EIF4G3: variants seen among roughly 807,000 people sequenced by gnomAD.
EIF4G3 encodes eukaryotic translation initiation factor 4 gamma 3.
In EIF4G3, 34 loss-of-function variants were observed where a neutral mutation model predicts 186.4. The observed-to-expected ratio is 0.18, with a 90% CI of 0.14 to 0.24. The LOEUF is 0.24. Ranked by LOEUF, EIF4G3 falls within the 10% of genes least tolerant of loss-of-function variation. The pLI is 1.00. For synonymous variants in EIF4G3, 673 were observed against 679.5 expected, an observed-to-expected ratio of 0.99 and a Z score of 0.15; for missense variants, 1,536 against 1,948.5, an observed-to-expected ratio of 0.79 and a Z score of 3.99.
chr1:20,934,178 G>A (rs1306758880), intron 14 of EIF4G3, among the ~76,000 whole-genome samples: 1 of 152,148 alleles, frequency 6.6e-6, no homozygotes, highest in Non-Finnish European at 1.5e-5. Context: ...AAAAAGACTA[G>A]GAAGATAAAT....
chr1:21,101,216 G>A (rs1228834611), intron 2 of EIF4G3, among the ~76,000 whole-genome samples: 3 of 151,952 alleles, frequency 2.0e-5, no homozygotes, highest in African/African-American at 7.2e-5. Flanking sequence ...GGGATTACAG[G>A]CATGAGCCAC....
chr1:21,122,825 T>C (rs2096950826), intron 2 of EIF4G3, among the ~76,000 whole-genome samples: 2 of 152,216 alleles, frequency 1.3e-5, no homozygotes, highest in South Asian at 2.1e-4. Context: ...GGATGATGTG[T>C]AATTGCACTT....
Position 20,900,060 on chromosome 1 carries a change from G to A in EIF4G3, c.1753-117C>T. Reference sequence around the variant, plus strand: ...AAAACATGTCATTCAAGGTAAGAATGTCTGTGTTCAGCATGTGGTATTAGA... The same window carrying A: ...AAAACATGTCATTCAAGGTAAGAATATCTGTGTTCAGCATGTGGTATTAGA... On this transcript the variant is annotated intron_variant, in intron 15 of 36. Transcript: ENST00000602326. 3 of 1,074,754 alleles carry A rather than the reference G, an allele frequency of 2.8e-6. 1 individual carries two copies. The highest frequency in any genetic ancestry group is 3.1e-5 in the South Asian group (2 of 63,914). 66.6% of individuals were successfully genotyped at this position (1,074,754 alleles called of 1,614,324 possible).
intron 2 of EIF4G3, among the ~76,000 whole-genome samples, chr1:21,131,824 T>C (rs1386974904): frequency 1.3e-5 from 2 of 152,026 alleles, no homozygotes; most frequent in Admixed American, 1.3e-4. Context: ...ACAGAAAACG[T>C]TGCCAGGTGT....
intron 7 of EIF4G3, among the ~76,000 whole-genome samples, chr1:20,992,324 A>G (rs929522539): frequency 1.4e-5 from 2 of 139,384 alleles, no homozygotes; most frequent in African/African-American, 2.6e-5. Flanking sequence ...TAAATTGCCT[A>G]TAGTAACACA....
At position 21,083,315 on chromosome 1, in the gene EIF4G3, G is replaced by A. The variant is rs183525738; in HGVS notation, c.-196+5823C>T. On this transcript the variant is annotated intron_variant, in intron 3 of 36. Coordinates refer to ENST00000602326, the MANE Select transcript of EIF4G3 (RefSeq NM_001391906.1). ...TAGCTGCCTAAAAACCTTTCTTCCA[G>A]AATAGGCATAAAACATAATATATAC... Among the ~76,000 whole-genome samples the A allele has an allele frequency of 3.8e-3, 579 of 152,018 alleles. 4 individuals are homozygous for A. Among genetic ancestry groups the A allele is most frequent in the African/African-American group, 0.013 (556 of 41,452 alleles).
rs931382059 is a variant in EIF4G3, at chr1:20,806,747, T to A, written c.*572A>T. On this transcript the variant is annotated 3_prime_UTR_variant, in exon 37 of 37. Transcript: ENST00000602326. Reference sequence around the variant, plus strand: ...TGTTTTGATTACTATTGTGATTTTTTAAATTTTCTGAAGCAAGCTGAGAGG... The same window carrying A: ...TGTTTTGATTACTATTGTGATTTTTAAAATTTTCTGAAGCAAGCTGAGAGG... 13 of 152,436 alleles carry A rather than the reference T, an allele frequency of 8.5e-5. No individual in the cohort carries two copies. The highest frequency in any genetic ancestry group is 1.2e-4 in the Non-Finnish European group (8 of 68,000). 9.4% of individuals were successfully genotyped at this position (152,436 alleles called of 1,614,324 possible).
chr1:20,873,741 C>T (rs1200959003), intron 20 of EIF4G3, among the ~76,000 whole-genome samples: 4 of 142,820 alleles, frequency 2.8e-5, no homozygotes, highest in Admixed American at 7.1e-5. Flanking sequence ...AAAAAAACCA[C>T]GAGATACAGG....
chr1:20,862,512 C>T (rs1036322861), intron 22 of EIF4G3, among the ~76,000 whole-genome samples, 180 bp from the exon 23 acceptor site: 1 of 152,128 alleles, frequency 6.6e-6, no homozygotes, highest in Non-Finnish European at 1.5e-5. Flanking sequence ...ACCTCTCAGG[C>T]TCAACCGATC....
chr1:20,942,451 T>C, intron 13 of EIF4G3, 121 bp from the exon 14 acceptor site: 1 of 953,512 alleles, frequency 1.0e-6, no homozygotes, highest in East Asian at 2.7e-5. Flanking sequence ...ACCAATATAT[T>C]AGACTTATTC....
At chr1:20,831,817 T>A (rs1430423067) in intron 30 of EIF4G3, among the ~76,000 whole-genome samples, 1 of 115,610 alleles carries the variant, frequency 8.6e-6, no homozygotes. Flanking sequence ...GTCCATGTGA[T>A]CTCATTGTTC....
intron 24 of EIF4G3, among the ~76,000 whole-genome samples, chr1:20,859,623 G>A (rs2075897074): frequency 6.6e-6 from 1 of 152,086 alleles, no homozygotes; most frequent in Admixed American, 6.6e-5. Flanking sequence ...GTTTTGAGAT[G>A]TAGTCTCACT....
At chr1:21,060,142 G>A (rs1479537363) in intron 3 of EIF4G3, among the ~76,000 whole-genome samples, 1 of 136,298 alleles carries the variant, frequency 7.3e-6, no homozygotes, top group African/African-American at 2.7e-5. Flanking sequence ...GTAGAGACAA[G>A]ATTTCACCAT....
chr1:21,036,510 A>C (rs1000241090), intron 4 of EIF4G3, among the ~76,000 whole-genome samples: 1 of 152,112 alleles, frequency 6.6e-6, no homozygotes, highest in Non-Finnish European at 1.5e-5. Context: ...TTCTTTAAAC[A>C]CCTTAATATT....
intron 2 of EIF4G3, among the ~76,000 whole-genome samples, chr1:21,099,452 T>G (rs1404171946): frequency 1.3e-5 from 2 of 152,214 alleles, no homozygotes; most frequent in Admixed American, 6.5e-5. Flanking sequence ...TAACTATTAA[T>G]AAACACAAAG....
rs554033986 is a variant in EIF4G3 at position 21,128,186 on chromosome 1, G to A, written c.-271-38973C>T. Among the ~76,000 whole-genome samples, 14 of 147,472 alleles carry A rather than the reference G, an allele frequency of 9.5e-5. No individual in the cohort carries two copies. The South Asian group carries it at 1.1e-3, about 11-fold the overall frequency. ...CGAGCCACTGCACTCCAGCCTGGGCGACAGAGCAAGACTCCGTCTCAAAAA... is the reference window on the plus strand; with the variant it reads ...CGAGCCACTGCACTCCAGCCTGGGCAACAGAGCAAGACTCCGTCTCAAAAA... On this transcript the variant is annotated intron_variant, in intron 2 of 36. Transcript: ENST00000602326.
At chr1:20,923,527 G>A (rs1199841990) in intron 14 of EIF4G3, among the ~76,000 whole-genome samples, 5 of 151,996 alleles carry the variant, frequency 3.3e-5, no homozygotes, top group African/African-American at 4.8e-5. Context: ...GCACAAATAT[G>A]TAATTTAATT....
At chr1:20,892,132 T>A (rs1050144405) in intron 18 of EIF4G3, among the ~76,000 whole-genome samples, 2 of 152,200 alleles carry the variant, frequency 1.3e-5, no homozygotes, top group African/African-American at 4.8e-5. Flanking sequence ...TGTAGTCTTA[T>A]TTCAAAGCAG....
At chr1:20,841,258 T>C in intron 29 of EIF4G3, 1 of 330,050 alleles carries the variant, frequency 3.0e-6, no homozygotes, top group East Asian at 5.1e-5. Flanking sequence ...ACAGCCCTTT[T>C]CAAATTTATC....
Sources: gnomAD v4.1 joint callset for allele counts (sites outside exome capture counted in the v4.1 genomes callset) on GRCh38, gnomAD v4.1.1 for gene constraint, MANE v1.5 for transcripts, NCBI Gene and HGNC (gene_info 2026-07-23, HGNC 2026-07-21) for gene names.